HDAC9: variants seen among roughly 807,000 people sequenced by gnomAD.
HDAC9 encodes the protein MEF-2 interacting transcription repressor (MITR) protein.
In HDAC9, 41 loss-of-function variants were observed where a neutral mutation model predicts 139.4. The ratio of observed to expected loss-of-function variants is 0.29; its 90% CI spans 0.23 to 0.38. HDAC9 has a LOEUF of 0.38. Among genes scored for constraint, HDAC9 ranks in the 10% least tolerant of loss-of-function variants. The probability of loss-of-function intolerance (pLI) is 1.00; values close to 1 mark genes in which losing one functional copy is unlikely to be tolerated. For synonymous variants in HDAC9, 517 were observed against 476.2 expected (o/e 1.09, Z -1.12); for missense variants, 1,147 against 1,297.0 (o/e 0.88, Z 1.78).
intron 13 of HDAC9, among the ~76,000 whole-genome samples, chr7:18,732,892 TAC>T (rs143927417): frequency 0.082 from 5,387 of 65,776 alleles, 1,039 homozygotes; most frequent in Non-Finnish European, 0.11. Flanking sequence ...TGCGTATGTG[TAC>T]ACACACACGT....
At chr7:18,633,357 T>C (rs1395447462) in intron 7 of HDAC9, among the ~76,000 whole-genome samples, 1 of 151,908 alleles carries the variant, frequency 6.6e-6, no homozygotes, top group Non-Finnish European at 1.5e-5. Context: ...AAGAAGTGAG[T>C]GGACATTGTG....
intron 1 of HDAC9, among the ~76,000 whole-genome samples, chr7:18,112,384 A>G (rs1008714469): frequency 1.3e-5 from 2 of 151,920 alleles, no homozygotes; most frequent in African/African-American, 2.4e-5. Context: ...TTGTGTTGGT[A>G]TACAACAATT....
chr7:18,111,202 A>G (rs1185955390), intron 1 of HDAC9, among the ~76,000 whole-genome samples: 1 of 152,228 alleles, frequency 6.6e-6, no homozygotes, highest in Non-Finnish European at 1.5e-5. Flanking sequence ...ATTAGTAAGT[A>G]TAGAAGAAGG....
intron 12 of HDAC9, among the ~76,000 whole-genome samples, chr7:18,694,814 A>G (rs534857102): frequency 6.6e-6 from 1 of 152,270 alleles, no homozygotes; most frequent in African/African-American, 2.4e-5. Flanking sequence ...GTTTATGCAA[A>G]TGGAACTTTT....
At chr7:18,786,473 C>T (rs1444624432) in intron 16 of HDAC9, among the ~76,000 whole-genome samples, 10 of 57,944 alleles carry the variant, frequency 1.7e-4, no homozygotes, top group African/African-American at 3.7e-4. Context: ...TTCCTTTCGT[C>T]CTTCCTTCCT....
chr7:18,606,528 A>G (rs1835550005), intron 6 of HDAC9, among the ~76,000 whole-genome samples: 1 of 152,194 alleles, frequency 6.6e-6, no homozygotes. Context: ...TTTAAGTCAC[A>G]TTTTGTAAGC....
intron 11 of HDAC9, among the ~76,000 whole-genome samples, chr7:18,659,356 A>G (rs1364208135): frequency 6.6e-6 from 1 of 152,180 alleles, no homozygotes; most frequent in East Asian, 1.9e-4. Context: ...TCATGTGCCA[A>G]TAGAATATAT....
chr7:18,586,658 A>G (rs1416212566), intron 3 of HDAC9, among the ~76,000 whole-genome samples: 1 of 152,096 alleles, frequency 6.6e-6, no homozygotes, highest in African/African-American at 2.4e-5. Flanking sequence ...TCTTAATCCT[A>G]AAAGAACTTT....
At chr7:18,431,103 T>C (rs761384769) in intron 1 of HDAC9, among the ~76,000 whole-genome samples, 6 of 152,022 alleles carry the variant, frequency 3.9e-5, no homozygotes, top group Non-Finnish European at 8.8e-5. Flanking sequence ...GCCCATCCCA[T>C]CTCAGAACCC....
chr7:18,693,199 G>C (rs1167053608), intron 12 of HDAC9, among the ~76,000 whole-genome samples: 2 of 151,870 alleles, frequency 1.3e-5, no homozygotes, highest in Non-Finnish European at 1.5e-5. Flanking sequence ...ACTGAGATAA[G>C]GTTATATTTG....
rs1171198308 is a variant in HDAC9, at chr7:18,655,277, T to C, written c.1467+6594T>C. On this transcript the variant is annotated intron_variant, in intron 11 of 25. Transcript: ENST00000686413. ...TTAATCACCAATTTAGGATTACATTTTGCCCATTACATGGATAGTATGTCC... is the reference window on the plus strand; with the variant it reads ...TTAATCACCAATTTAGGATTACATTCTGCCCATTACATGGATAGTATGTCC... 7.9e-5 allele frequency among the ~76,000 whole-genome samples: 12 copies of C among 152,166 alleles called. 1 individual carries two copies. Among genetic ancestry groups the C allele is most frequent in the Non-Finnish European group, 1.8e-4 (12 of 68,020 alleles).
intron 1 of HDAC9, among the ~76,000 whole-genome samples, chr7:18,358,036 A>G (rs796904847): frequency 6.6e-6 from 1 of 152,136 alleles, no homozygotes; most frequent in South Asian, 2.1e-4. Context: ...GAAGTTTAGA[A>G]GGTGTAGCTG....
chr7:18,133,916 G>A (rs1323548724), intron 1 of HDAC9, among the ~76,000 whole-genome samples: 3 of 143,572 alleles, frequency 2.1e-5, no homozygotes, highest in Non-Finnish European at 3.0e-5. Flanking sequence ...ATATCTGTGT[G>A]TGAATATACA....
chr7:18,523,160 C>T (rs548049071), intron 2 of HDAC9, among the ~76,000 whole-genome samples: 73 of 152,276 alleles, frequency 4.8e-4, no homozygotes, highest in Non-Finnish European at 8.8e-4. Flanking sequence ...AGGCAGGAGA[C>T]AGATGATTAA....
intron 1 of HDAC9, among the ~76,000 whole-genome samples, chr7:18,098,832 G>A (rs905865327): frequency 1.5e-4 from 23 of 152,160 alleles, no homozygotes; most frequent in Admixed American, 5.2e-4. Flanking sequence ...GCAATATATA[G>A]AATTTTGAAC....
At chr7:18,786,620 TCCC>T in intron 16 of HDAC9, among the ~76,000 whole-genome samples, 5 of 86,198 alleles carry the variant, frequency 5.8e-5, no homozygotes, top group African/African-American at 1.6e-4. Flanking sequence ...CTTCCTTCCC[TCCC>T]TCCCTCCTTC....
At chr7:18,297,063 C>T (rs552041322) in intron 1 of HDAC9, among the ~76,000 whole-genome samples, 2 of 152,226 alleles carry the variant, frequency 1.3e-5, no homozygotes, top group East Asian at 1.9e-4. Context: ...TTAGAGACGT[C>T]ATTGTTGAGC....
At chr7:18,696,624 C>T (rs757344425) in intron 12 of HDAC9, among the ~76,000 whole-genome samples, 44 of 151,878 alleles carry the variant, frequency 2.9e-4, no homozygotes, top group East Asian at 5.8e-4. Flanking sequence ...CACGTCACCA[C>T]GCCCAGCTAA....
chr7:18,895,865 T>G (rs1801150248), intron 22 of HDAC9, among the ~76,000 whole-genome samples: 1 of 152,100 alleles, frequency 6.6e-6, no homozygotes, highest in Non-Finnish European at 1.5e-5. Flanking sequence ...TTAGTAACAA[T>G]AAGTCATTAT....
Sources: gnomAD v4.1 joint callset for allele counts (sites outside exome capture counted in the v4.1 genomes callset) on GRCh38, gnomAD v4.1.1 for gene constraint, MANE v1.5 for transcripts, NCBI Gene and HGNC (gene_info 2026-07-23, HGNC 2026-07-21) for gene names.